SLC15A1: variants seen among roughly 807,000 people sequenced by gnomAD.
SLC15A1 encodes solute carrier family 15 member 1, also known as Caco-2 oligopeptide transporter.
A neutral mutation model predicts 92.9 loss-of-function variants in SLC15A1; 83 were observed. The observed-to-expected ratio is 0.89, with a 90% CI of 0.75 to 1.07. The LOEUF (loss-of-function observed/expected upper bound fraction) is 1.07. Among genes scored for constraint, SLC15A1 ranks in the 50% least tolerant of loss-of-function variants. The pLI is 0.00. For synonymous variants in SLC15A1, 322 were observed against 318.2 expected, an observed-to-expected ratio of 1.01 and a Z score of -0.13; for missense variants, 857 against 880.1, an observed-to-expected ratio of 0.97 and a Z score of 0.33.
chr13:98,730,216 G>GAGGGGAAGGGAAGGGGAAGGGA (rs758457434), intron 1 of SLC15A1, among the ~76,000 whole-genome samples: 3 of 75,478 alleles, frequency 4.0e-5, no homozygotes, highest in African/African-American at 1.6e-4. Flanking sequence ...AAAAGGAAGG[G>GAGGGGAAGGGAAGGGGAAGGGA]AGGGGAAGGG....
intron 18 of SLC15A1, among the ~76,000 whole-genome samples, chr13:98,700,386 G>C (rs1175979726): frequency 6.8e-6 from 1 of 146,392 alleles, no homozygotes; most frequent in Non-Finnish European, 1.5e-5. Context: ...TTGGGAGGCT[G>C]AGGCAGAAGG....
At chr13:98,707,592 C>T (rs944919579) in intron 15 of SLC15A1, among the ~76,000 whole-genome samples, 24 of 152,078 alleles carry the variant, frequency 1.6e-4, no homozygotes, top group African/African-American at 5.3e-4. Context: ...GTACTTAACG[C>T]TACTGAACTG....
At position 98,688,351 on chromosome 13, in the gene SLC15A1, C is replaced by T. The variant is rs758790182; in HGVS notation, c.1580G>A (p.Gly527Asp). The T allele has an allele frequency of 3.1e-6, 5 of 1,612,496 alleles. No individual in the cohort carries two copies. Among genetic ancestry groups the T allele is most frequent in the Admixed American group, 3.3e-5 (2 of 59,728 alleles). The change falls in exon 20 of 23, where the codon GGC (glycine) becomes GAC (aspartate). Residue 527 changes from glycine to aspartate, a missense_variant. By Grantham distance (94) the Gly-to-Asp change is moderately conservative (BLOSUM62 -1). Coordinates refer to ENST00000376503, the MANE Select transcript of SLC15A1 (RefSeq NM_005073.4). ...TYQFFPSGIK[G>D]FTISSTEIPP... ...AATCTCTGTTGAGCTTATTGTGAAGCCTTTTCTATCAAAATAAAGAATAAT... is the reference window on the plus strand; with the variant it reads ...AATCTCTGTTGAGCTTATTGTGAAGTCTTTTCTATCAAAATAAAGAATAAT...
intron 21 of SLC15A1, 106 bp from the exon 22 acceptor site, chr13:98,686,403 A>T: frequency 6.7e-6 from 5 of 743,150 alleles, no homozygotes. Flanking sequence ...CTAACAATGC[A>T]CACGAAAAGT....
chr13:98,725,493 T>C (rs1316834070), intron 4 of SLC15A1, among the ~76,000 whole-genome samples: 2 of 151,776 alleles, frequency 1.3e-5, no homozygotes, highest in Admixed American at 6.6e-5. Context: ...TTTTAGAGAG[T>C]TTCTTCATAT....
chr13:98,711,919 T>C lies in SLC15A1; in HGVS notation c.835A>G (p.Met279Val). Residue 279 changes from methionine (M) to valine (V), a missense_variant, in exon 11 of 23, where the codon ATG (methionine) becomes GTG (valine). By Grantham distance (21) the Met-to-Val change is conservative. Transcript: ENST00000376503. ...TACAGGAACATCACCCTCGTAACCATCTTAATTTGGGAGATGAGCCGCTCC... is the reference window on the plus strand; with the variant it reads ...TACAGGAACATCACCCTCGTAACCACCTTAATTTGGGAGATGAGCCGCTCC... ...YDERLISQIK[M>V]VTRVMFLYIP... is the part of the protein sequence containing the mutation. The C allele has an allele frequency of 6.2e-7, 1 of 1,612,784 alleles. No individual in the cohort carries two copies. Among genetic ancestry groups the C allele is most frequent in the Non-Finnish European group, 8.5e-7 (1 of 1,179,860 alleles).
At chr13:98,732,513 C>T (rs1423674813) in intron 1 of SLC15A1, among the ~76,000 whole-genome samples, 1 of 152,092 alleles carries the variant, frequency 6.6e-6, no homozygotes, top group African/African-American at 2.4e-5. Context: ...CTCTTCCGCA[C>T]GACTCAATAA....
At chr13:98,744,415 T>C (rs1363417813) in intron 1 of SLC15A1, among the ~76,000 whole-genome samples, 1 of 150,934 alleles carries the variant, frequency 6.6e-6, no homozygotes. Flanking sequence ...GACGTTAGGG[T>C]ATAAAACAGA....
In SLC15A1 at chr13:98,704,310, C is replaced by T. The variant is rs577911700; in HGVS notation, c.1395G>A (p.Trp465Ter). 1.9e-6 allele frequency: 3 copies of T among 1,610,082 alleles called. No individual in the cohort carries two copies. Among genetic ancestry groups the T allele is most frequent in the East Asian group, 2.2e-5 (1 of 44,652 alleles). ...KQGQRHTLLVWAPNHYQVVKD... is the reference protein window; with the variant it reads ...KQGQRHTLLV The stretch of plus-strand genomic sequence containing the variant: ...TTACCACCTGGTAGTGATTGGGGGC[C>T]CACACTAGAAGCGTGTGGCGTTGGC... Residue 465 changes from tryptophan to a stop codon, truncating the protein, a stop_gained, in exon 17 of 23, where the codon TGG becomes TGA. Transcript: ENST00000376503. LOFTEE classifies it high-confidence loss of function.
intron 1 of SLC15A1, among the ~76,000 whole-genome samples, chr13:98,744,293 G>T (rs2088474510): frequency 7.2e-6 from 1 of 139,442 alleles, no homozygotes; most frequent in Non-Finnish European, 1.5e-5. Flanking sequence ...TTGGAGGGTT[G>T]TTTTTCAAGG....
At chr13:98,691,468 T>G in intron 18 of SLC15A1, among the ~76,000 whole-genome samples, 1 of 152,322 alleles carries the variant, frequency 6.6e-6, no homozygotes, top group African/African-American at 2.4e-5. Flanking sequence ...CATGCACAAG[T>G]TTTTGTGTGG....
At chr13:98,742,435 A>G (rs1361202408) in intron 1 of SLC15A1, among the ~76,000 whole-genome samples, 1 of 152,054 alleles carries the variant, frequency 6.6e-6, no homozygotes, top group Non-Finnish European at 1.5e-5. Context: ...TTCCTCCCTC[A>G]GCTTGGGTGT....
At chr13:98,725,125 C>A (rs558233484) in intron 4 of SLC15A1, among the ~76,000 whole-genome samples, 1 of 152,238 alleles carries the variant, frequency 6.6e-6, no homozygotes, top group Non-Finnish European at 1.5e-5. Context: ...GTGATCTCTG[C>A]ACATGCCAGC....
chr13:98,725,080 C>A (rs1258346260), intron 4 of SLC15A1, among the ~76,000 whole-genome samples: 3 of 152,090 alleles, frequency 2.0e-5, no homozygotes, highest in African/African-American at 7.2e-5. Context: ...CCTGACACTT[C>A]CCTCCTCTCT....
In SLC15A1 at chr13:98,704,423, TA is replaced by T. The variant is rs1429268438; in HGVS notation, c.1281del (p.Phe427LeufsTer2). 1 of 1,613,398 alleles carries T rather than the reference TA, an allele frequency of 6.2e-7. No homozygotes were observed. The highest frequency in any genetic ancestry group is 1.7e-5 in the Admixed American group (1 of 59,924). ...TLGPMSQTNA[F>X]MTFDVNKLTR... The stretch of plus-strand genomic sequence containing the variant: ...GTCAGTTTGTTTACATCAAAAGTCA[TA>T]AATGCATTTGTCTATAGAGGGAGGG... On this transcript the variant is annotated frameshift_variant, in exon 17 of 23. Coordinates refer to ENST00000376503, the MANE Select transcript of SLC15A1 (RefSeq NM_005073.4). LOFTEE classifies it high-confidence loss of function.
At chr13:98,695,496 G>T (rs1244650397) in intron 18 of SLC15A1, among the ~76,000 whole-genome samples, 1 of 152,084 alleles carries the variant, frequency 6.6e-6, no homozygotes, top group Non-Finnish European at 1.5e-5. Context: ...AGGTTCAAGT[G>T]ATTCTCTTGC....
chr13:98,714,317 G>A (rs1013947038), intron 9 of SLC15A1, among the ~76,000 whole-genome samples: 2 of 151,946 alleles, frequency 1.3e-5, no homozygotes, highest in African/African-American at 4.8e-5. Context: ...TTTTTGACAG[G>A]GAGAGGGCAC....
At chr13:98,712,614 A>C in intron 9 of SLC15A1, 30 bp from the exon 10 acceptor site, 2 of 1,491,964 alleles carry the variant, frequency 1.3e-6, no homozygotes, top group South Asian at 1.2e-5. Context: ...TCGAATTTCA[A>C]AACAGGACCA....
intron 1 of SLC15A1, among the ~76,000 whole-genome samples, chr13:98,742,146 C>T (rs1283223241): frequency 1.3e-5 from 2 of 152,192 alleles, no homozygotes; most frequent in Non-Finnish European, 2.9e-5. Context: ...AGGGGCTCCA[C>T]CTCCCTCAGG....
Sources: allele counts gnomAD v4.1 joint callset (sites outside exome capture counted in the v4.1 genomes callset), GRCh38; gene constraint gnomAD v4.1.1; transcripts MANE v1.5; gene names NCBI Gene and HGNC (gene_info 2026-07-23, HGNC 2026-07-21).